EIF2AK4: variants seen among roughly 807,000 people sequenced by gnomAD.
The protein encoded by EIF2AK4 is eIF-2-alpha kinase GCN2.
In EIF2AK4, 139 loss-of-function variants were observed where a neutral mutation model predicts 211.1. That is an observed-to-expected ratio of 0.66 (90% confidence interval 0.57 to 0.76). The LOEUF is 0.76. Among genes scored for constraint, EIF2AK4 ranks in the 30% least tolerant of loss-of-function variants. EIF2AK4 has a pLI of 0.00. For missense variants in EIF2AK4, 1,664 were observed against 2,043.8 expected (o/e 0.81, Z 3.58); for synonymous variants, 710 against 751.3 (o/e 0.94, Z 0.90).
intron 7 of EIF2AK4, among the ~76,000 whole-genome samples, chr15:39,962,625 C>T (rs1261152267): frequency 6.6e-6 from 1 of 152,076 alleles, no homozygotes; most frequent in African/African-American, 2.4e-5. Context: ...CTTTATTGAC[C>T]AGATCTCATT....
In EIF2AK4 at chr15:39,998,665, T is replaced by C. The variant is rs1328299582; in HGVS notation, c.2869-66T>C. On this transcript the variant is annotated intron_variant, in intron 19 of 38. Transcript: ENST00000263791. ...TTTCTGTATTTGATTTTCTTACTTA[T>C]GGTGAATAAATGCTTTCACTGTGGC... The C allele has an allele frequency of 6.2e-5, 77 of 1,251,534 alleles. 1 individual carries two copies. Among genetic ancestry groups the C allele is most frequent in the Admixed American group, 7.8e-5 (4 of 50,992 alleles). The allele number at this position is 1,251,534 out of a possible 1,614,324, so 77.5% of individuals were successfully genotyped here.
intron 2 of EIF2AK4, among the ~76,000 whole-genome samples, chr15:39,942,545 T>C (rs571256): frequency 0.018 from 2,682 of 152,306 alleles, 90 homozygotes; most frequent in African/African-American, 0.061. Context: ...TCAGAAATGC[T>C]TGGTAAAAAG....
In EIF2AK4 at chr15:39,985,863, A is replaced by G; in HGVS notation, c.2378A>G (p.Glu793Gly). Reference sequence around the variant, plus strand: ...GAAAGTGAGCCATCAGTGACGACTGAGGCTGTGCACTACCTATACATCCAG... The same window carrying G: ...GAAAGTGAGCCATCAGTGACGACTGGGGCTGTGCACTACCTATACATCCAG... ...CHESEPSVTTEAVHYLYIQME... is the reference protein window; with the variant it reads ...CHESEPSVTTGAVHYLYIQME... Residue 793 changes from glutamate (E) to glycine (G), a missense_variant, in exon 14 of 39, where the codon GAG becomes GGG. Coordinates refer to ENST00000263791, the MANE Select transcript of EIF2AK4 (RefSeq NM_001013703.4). 1.2e-6 allele frequency: 2 copies of G among 1,614,118 alleles called. No individual in the cohort carries two copies. The highest frequency in any genetic ancestry group is 1.7e-6 in the Non-Finnish European group (2 of 1,179,994).
At chr15:40,023,579 C>T (rs927462881) in intron 32 of EIF2AK4, among the ~76,000 whole-genome samples, 1 of 152,070 alleles carries the variant, frequency 6.6e-6, no homozygotes, top group Admixed American at 6.6e-5. Flanking sequence ...TCAGATATTC[C>T]CCTGTTATTG....
intron 7 of EIF2AK4, among the ~76,000 whole-genome samples, chr15:39,964,507 T>A (rs772640944): frequency 1.3e-5 from 2 of 152,128 alleles, no homozygotes; most frequent in African/African-American, 2.4e-5. Flanking sequence ...CCAGGATTGC[T>A]GCTAAAATCC....
chr15:40,031,056 A>G (rs981526324), intron 35 of EIF2AK4, among the ~76,000 whole-genome samples: 16 of 152,164 alleles, frequency 1.1e-4, no homozygotes, highest in African/African-American at 3.9e-4. Context: ...CCTGGCCAAC[A>G]TGGTGAAACC....
At chr15:39,980,061 CTA>C (rs979046950) in intron 13 of EIF2AK4, among the ~76,000 whole-genome samples, 12 of 152,284 alleles carry the variant, frequency 7.9e-5, no homozygotes, top group Admixed American at 6.5e-4. Context: ...TTTGTATGCA[CTA>C]TAAAACATTC....
rs530822913 is a variant in EIF2AK4 at position 40,008,746 on chromosome 15, C to G, written c.3576+551C>G. On this transcript the variant is annotated intron_variant, in intron 25 of 38. Transcript: ENST00000263791. ...TGCACCCTCATTAATTAGTTGGCCA[C>G]CTTTTCTTCTCAACTCTCACAGGTC... 2.6e-5 allele frequency among the ~76,000 whole-genome samples: 4 copies of G among 152,274 alleles called. No homozygotes were observed. The South Asian group carries it at 8.3e-4, about 32-fold the overall frequency.
rs368204542 is a variant in EIF2AK4, at chr15:40,001,144, T to A, written c.3079T>A (p.Tyr1027Asn). ...GCTGACCAACGTGGATGGGAAGGCC[T>A]ACCGCACCATGATGGCCCAGATCTT... ...HTLTNVDGKA[Y>N]RTMMAQIFSQ... The change falls in exon 21 of 39, where the codon TAC becomes AAC. Residue 1027 changes from tyrosine (Y) to asparagine (N), a missense_variant. Tyr to Asn is a moderately radical substitution (Grantham distance 143). Coordinates refer to ENST00000263791, the MANE Select transcript of EIF2AK4 (RefSeq NM_001013703.4). The A allele has an allele frequency of 6.2e-7, 1 of 1,614,150 alleles. No homozygotes were observed. The highest frequency in any genetic ancestry group is 2.2e-5 in the East Asian group (1 of 44,886).
chr15:39,938,924 T>C (rs887788170), intron 1 of EIF2AK4, among the ~76,000 whole-genome samples: 9 of 152,128 alleles, frequency 5.9e-5, no homozygotes, highest in Admixed American at 5.9e-4. Context: ...AGAACAAGGG[T>C]ATTTTGCGAT....
rs544280300 is a variant in EIF2AK4, at chr15:39,971,589, C to T, written c.1554-1319C>T. 5.9e-5 allele frequency among the ~76,000 whole-genome samples: 9 copies of T among 152,122 alleles called. No individual in the cohort carries two copies. In the South Asian group the frequency reaches 1.3e-3, roughly 21 times the overall value. On this transcript the variant is annotated intron_variant, in intron 9 of 38. Coordinates refer to ENST00000263791, the MANE Select transcript of EIF2AK4 (RefSeq NM_001013703.4). ...CAAAACATTCCAGCATGGTGGTACACGCCTGTAGTCCCAGTTACTCAGGAG... is the reference window on the plus strand; with the variant it reads ...CAAAACATTCCAGCATGGTGGTACATGCCTGTAGTCCCAGTTACTCAGGAG...
intron 26 of EIF2AK4, among the ~76,000 whole-genome samples, chr15:40,010,646 CAG>C (rs201278407): frequency 0.013 from 2,021 of 152,180 alleles, 27 homozygotes; most frequent in South Asian, 0.06. Context: ...ATGGTTAAGA[CAG>C]AGTAGTGGAA....
intron 17 of EIF2AK4, chr15:39,992,541 C>T: frequency 1.7e-6 from 1 of 583,844 alleles, no homozygotes; most frequent in South Asian, 2.1e-5. Context: ...TCTTATCTGG[C>T]ACTGTCCCTC....
chr15:39,949,331 G>T, intron 4 of EIF2AK4, 63 bp downstream of exon 4: 1 of 1,583,524 alleles, frequency 6.3e-7, no homozygotes, highest in Non-Finnish European at 8.6e-7. Flanking sequence ...ACTACTGTAG[G>T]TTTTATCTGT....
At chr15:39,980,075 A>G (rs1341733741) in intron 13 of EIF2AK4, among the ~76,000 whole-genome samples, 2 of 152,216 alleles carry the variant, frequency 1.3e-5, no homozygotes, top group Admixed American at 6.5e-5. Context: ...AAAACATTCC[A>G]TAAATAAAAC....
chr15:39,990,339 G>A lies in EIF2AK4; in HGVS notation c.2593G>A (p.Gly865Ser), dbSNP rs1195220549. The change falls in exon 16 of 39, where the codon GGT (glycine) becomes AGT (serine). Residue 865 changes from glycine to serine, a missense_variant. Physicochemically the swap from Gly to Ser is moderately conservative, Grantham distance 56. Around this residue, in one of 7 missense-constraint regions of EIF2AK4, gnomAD observed 622 missense variants for 796.8 expected, o/e 0.78. Transcript: ENST00000263791. Reference protein sequence around the residue: ...FLDSDDHVKIGDFGLATDHLA... With the variant: ...FLDSDDHVKISDFGLATDHLA... ...GGATTCTGATGACCATGTGAAAATA[G>A]GTGATTTTGGTTTGGCGACAGACCA... 1.9e-6 allele frequency: 3 copies of A among 1,614,070 alleles called. No homozygotes were observed. The highest frequency in any genetic ancestry group is 2.5e-6 in the Non-Finnish European group (3 of 1,180,026).
chr15:40,014,865 C>T (rs901192822), intron 27 of EIF2AK4, among the ~76,000 whole-genome samples: 17 of 152,188 alleles, frequency 1.1e-4, no homozygotes, highest in African/African-American at 3.1e-4. Flanking sequence ...ACCCAAGTCA[C>T]CTCTTGATGC....
intron 23 of EIF2AK4, among the ~76,000 whole-genome samples, chr15:40,005,894 G>C (rs118150881): frequency 6.6e-6 from 1 of 151,686 alleles, no homozygotes; most frequent in East Asian, 1.9e-4. Context: ...TATATGTGTA[G>C]ATATATATAT....
At chr15:40,011,825 T>C (rs995309574) in intron 27 of EIF2AK4, among the ~76,000 whole-genome samples, 1 of 152,202 alleles carries the variant, frequency 6.6e-6, no homozygotes, top group African/African-American at 2.4e-5. Context: ...TCTCTTAATC[T>C]TAAAATCTTA....
Sources: gnomAD v4.1 joint callset for allele counts (sites outside exome capture counted in the v4.1 genomes callset) on GRCh38, gnomAD v4.1.1 for gene constraint, gnomAD v4.1.1 regional missense constraint, MANE v1.5 for transcripts, NCBI Gene and HGNC (gene_info 2026-07-23, HGNC 2026-07-21) for gene names.